CRTC1: variants seen among roughly 807,000 people sequenced by gnomAD.
CRTC1 encodes CREB-regulated transcription coactivator 1.
A neutral mutation model predicts 66.1 loss-of-function variants in CRTC1; 18 were observed. The observed-to-expected ratio is 0.27, with a 90% CI of 0.19 to 0.40. CRTC1 has a LOEUF of 0.40. Ranked by LOEUF, CRTC1 falls within the 10% of genes least tolerant of loss-of-function variation. The probability of loss-of-function intolerance (pLI) is 1.00; values close to 1 mark genes in which losing one functional copy is unlikely to be tolerated. For missense variants in CRTC1, 669 were observed against 887.9 expected (o/e 0.75, Z 3.13); for synonymous variants, 416 against 398.8 (o/e 1.04, Z -0.51).
chr19:18,702,954 C>CT (rs939920068), intron 1 of CRTC1, among the ~76,000 whole-genome samples: 25 of 149,090 alleles, frequency 1.7e-4, no homozygotes, highest in East Asian at 7.9e-4. Context: ...TGTCACAGTT[C>CT]TTTTTTTTTT....
intron 6 of CRTC1, among the ~76,000 whole-genome samples, chr19:18,758,772 C>T (rs2054549390): frequency 6.6e-6 from 1 of 152,198 alleles, no homozygotes; most frequent in South Asian, 2.1e-4. Context: ...CAGTTCTTCC[C>T]TCCTTTGGGC....
intron 1 of CRTC1, among the ~76,000 whole-genome samples, chr19:18,704,418 C>T (rs181056282): frequency 3.8e-4 from 58 of 152,114 alleles, no homozygotes; most frequent in Admixed American, 1.1e-3. Context: ...TAGTAAAATA[C>T]ACATAACATG....
At position 18,777,105 on chromosome 19, in the gene CRTC1, G is replaced by T; in HGVS notation, c.1694-66G>T. The T allele has an allele frequency of 1.1e-6, 1 of 921,604 alleles. No individual in the cohort carries two copies. The highest frequency in any genetic ancestry group is 1.4e-5 in the South Asian group (1 of 70,168). 57.1% of individuals were successfully genotyped at this position (921,604 alleles called of 1,614,324 possible). On this transcript the variant is annotated intron_variant, in intron 13 of 13. Coordinates refer to ENST00000321949, the MANE Select transcript of CRTC1 (RefSeq NM_015321.3). The surrounding 1 kb of genome is among the most constrained non-coding windows in gnomAD (Gnocchi z 5.5). ...GTCGCCCGGCGGGCATGCCTGGTCC[G>T]ACACATGGATGCGAGCGATGGAGCC...
intron 1 of CRTC1, among the ~76,000 whole-genome samples, chr19:18,732,279 G>T (rs77625533): frequency 0.062 from 9,376 of 152,286 alleles, 369 homozygotes; most frequent in Non-Finnish European, 0.093. Context: ...TAAAGGGGGG[G>T]TCCCGATCTC....
chr19:18,705,550 C>T (rs1047374663), intron 1 of CRTC1, among the ~76,000 whole-genome samples: 2 of 152,162 alleles, frequency 1.3e-5, no homozygotes, highest in East Asian at 1.9e-4. Context: ...AACTCCTGAC[C>T]TCAGATGATC....
intron 1 of CRTC1, among the ~76,000 whole-genome samples, chr19:18,736,092 A>G (rs1373461562): frequency 6.6e-6 from 1 of 152,170 alleles, no homozygotes; most frequent in Non-Finnish European, 1.5e-5. Context: ...CGCCAGCAGC[A>G]GGGGTTCCAG....
intron 1 of CRTC1, among the ~76,000 whole-genome samples, chr19:18,728,344 A>T (rs992011439): frequency 6.6e-6 from 1 of 152,156 alleles, no homozygotes; most frequent in African/African-American, 2.4e-5. Flanking sequence ...TTCAGCTTCA[A>T]TCGCTGCCCA....
intron 1 of CRTC1, among the ~76,000 whole-genome samples, chr19:18,707,912 G>A (rs117118467): frequency 1.1e-3 from 170 of 152,362 alleles, no homozygotes; most frequent in Middle Eastern, 3.4e-3. Context: ...ATTGGCCCCT[G>A]CCTCAGTTTC....
chr19:18,759,464 T>C, intron 6 of CRTC1, 87 bp from the exon 7 acceptor site: 1 of 1,363,060 alleles, frequency 7.3e-7, no homozygotes, highest in Admixed American at 1.9e-5. Context: ...TGTGGGAAGA[T>C]CAGCCGTTTC....
intron 11 of CRTC1, among the ~76,000 whole-genome samples, chr19:18,772,185 T>C (rs1356746921): frequency 1.3e-5 from 2 of 152,076 alleles, no homozygotes; most frequent in Non-Finnish European, 2.9e-5. Context: ...CCCCAGCCAC[T>C]CCAAGGTTCA....
intron 4 of CRTC1, among the ~76,000 whole-genome samples, chr19:18,748,401 G>A (rs1266058882): frequency 8.0e-6 from 1 of 125,118 alleles, no homozygotes; most frequent in African/African-American, 3.1e-5. Flanking sequence ...TTTTTTTTTG[G>A]AGAGACAAGA....
At chr19:18,762,115 C>G (rs756461468) in intron 8 of CRTC1, among the ~76,000 whole-genome samples, 1 of 152,232 alleles carries the variant, frequency 6.6e-6, no homozygotes, top group Non-Finnish European at 1.5e-5. Context: ...ATAGAAGCCA[C>G]CATCTCCCAG....
At chr19:18,726,636 A>G (rs1334421290) in intron 1 of CRTC1, among the ~76,000 whole-genome samples, 2 of 152,212 alleles carry the variant, frequency 1.3e-5, no homozygotes, top group Non-Finnish European at 2.9e-5. Flanking sequence ...GTCCTTATAA[A>G]GAAGACAAAG....
At chr19:18,710,493 G>A (rs1027559235) in intron 1 of CRTC1, among the ~76,000 whole-genome samples, 6 of 152,218 alleles carry the variant, frequency 3.9e-5, no homozygotes, top group Admixed American at 6.5e-5. Flanking sequence ...GTCGGCGGCC[G>A]GCCGGGCTCC....
chr19:18,711,229 C>T (rs904502013), intron 1 of CRTC1, among the ~76,000 whole-genome samples: 2 of 152,242 alleles, frequency 1.3e-5, no homozygotes, highest in Admixed American at 6.5e-5. Context: ...GTTTGGGAGT[C>T]GGGGAGCCAT....
At chr19:18,697,144 C>A (rs2053010865) in intron 1 of CRTC1, among the ~76,000 whole-genome samples, 1 of 152,038 alleles carries the variant, frequency 6.6e-6, no homozygotes, top group South Asian at 2.1e-4. Context: ...GCCTCGAGGG[C>A]CAGGGATGCC....
At chr19:18,707,638 A>G (rs2053295138) in intron 1 of CRTC1, among the ~76,000 whole-genome samples, 1 of 152,170 alleles carries the variant, frequency 6.6e-6, no homozygotes, top group South Asian at 2.1e-4. Context: ...TCTTCAGGAA[A>G]TGGTATTTTG....
Position 18,747,096 on chromosome 19 carries a change from C to T in CRTC1, c.425C>T (p.Ala142Val), listed in dbSNP as rs759854241. Residue 142 changes from alanine to valine, a missense_variant, in exon 4 of 14, where the codon GCG (alanine) becomes GTG (valine). Physicochemically the swap from Ala to Val is moderately conservative, Grantham distance 64. Transcript: ENST00000321949. ...PYGTMYLSPP[A>V]DTSWRRTNSD... Reference sequence around the variant, plus strand: ...GGCACCATGTACCTCTCACCACCCGCGGACACCAGCTGGAGAAGGTCAGTG... The same window carrying T: ...GGCACCATGTACCTCTCACCACCCGTGGACACCAGCTGGAGAAGGTCAGTG... The T allele has an allele frequency of 1.3e-5, 21 of 1,610,536 alleles. No homozygotes were observed. The Admixed American group carries it at 1.7e-4, about 13-fold the overall frequency.
At chr19:18,773,541 C>T (rs2054917581) in intron 11 of CRTC1, among the ~76,000 whole-genome samples, 1 of 152,164 alleles carries the variant, frequency 6.6e-6, no homozygotes, top group Non-Finnish European at 1.5e-5. Flanking sequence ...CACCCCGAGC[C>T]CCAGGACAGA....
Sources: allele counts gnomAD v4.1 joint callset (sites outside exome capture counted in the v4.1 genomes callset), GRCh38; gene constraint gnomAD v4.1.1; non-coding constraint Gnocchi (gnomAD v3.1); transcripts MANE v1.5; gene names NCBI Gene and HGNC (gene_info 2026-07-23, HGNC 2026-07-21).